DOT1L: variants seen among roughly 807,000 people sequenced by gnomAD.
DOT1L encodes histone-lysine N-methyltransferase, H3 lysine-79 specific.
DOT1L carries 33 observed loss-of-function variants against 153.3 expected under a neutral mutation model. The observed-to-expected ratio is 0.22, with a 90% CI of 0.16 to 0.29. The LOEUF is 0.29. Among genes scored for constraint, DOT1L ranks in the 10% least tolerant of loss-of-function variants. DOT1L has a pLI of 1.00. For synonymous variants in DOT1L, 1,135 were observed against 965.1 expected (o/e 1.18, Z -3.26); for missense variants, 1,847 against 2,119.9 (o/e 0.87, Z 2.53).
intron 3 of DOT1L, among the ~76,000 whole-genome samples, 192 bp downstream of exon 3, chr19:2,186,121 C>G (rs974529065): frequency 5.3e-5 from 8 of 152,246 alleles, no homozygotes; most frequent in Admixed American, 2.0e-4. Flanking sequence ...CAAAGGCTGT[C>G]AGAGGCCGGA....
chr19:2,188,889 G>A (rs1000752164), intron 3 of DOT1L, among the ~76,000 whole-genome samples: 7 of 152,206 alleles, frequency 4.6e-5, no homozygotes, highest in Admixed American at 2.6e-4. Context: ...TGGCTGGGCC[G>A]CGTGGCCGGT....
At chr19:2,184,320 G>T (rs2022393525) in intron 2 of DOT1L, among the ~76,000 whole-genome samples, 2 of 152,154 alleles carry the variant, frequency 1.3e-5, no homozygotes, top group Non-Finnish European at 2.9e-5. Context: ...GTGACGAGAG[G>T]CACCAATAAT....
rs2022701873 is a variant in DOT1L at position 2,189,664 on chromosome 19, G to A, written c.201-68G>A. 6 of 1,572,386 alleles carry A rather than the reference G, an allele frequency of 3.8e-6. 1 individual carries two copies. The South Asian group carries it at 5.6e-5, about 15-fold the overall frequency. On this transcript the variant is annotated intron_variant, in intron 3 of 27. Coordinates refer to ENST00000398665, the MANE Select transcript of DOT1L (RefSeq NM_032482.3). ...ACCTTGGAGCCTGCCTTATCCACATGCTGTCCCCTCCCATGCATGCGGCTG... is the reference window on the plus strand; with the variant it reads ...ACCTTGGAGCCTGCCTTATCCACATACTGTCCCCTCCCATGCATGCGGCTG...
rs2024549797 is a variant in DOT1L, at chr19:2,230,442, A to G, written c.*650A>G. ...TCCGGGGCGTGGGTTGCGCCCTTGC[A>G]TGTGAAGGGGCCTGCGCGGTGACGC... On this transcript the variant is annotated 3_prime_UTR_variant, in exon 28 of 28. Transcript: ENST00000398665. The G allele has an allele frequency of 5.0e-6, 2 of 399,858 alleles. No individual in the cohort carries two copies. The highest frequency in any genetic ancestry group is 4.4e-5 in the Admixed American group (1 of 22,882). The allele number at this position is 399,858 out of a possible 1,614,324, so 24.8% of individuals were successfully genotyped here.
rs551726391 is a variant in DOT1L at position 2,194,944 on chromosome 19, T to G, written c.651+367T>G. 1.2e-3 allele frequency among the ~76,000 whole-genome samples: 189 copies of G among 152,246 alleles called. 5 individuals carry two copies. In the South Asian group the frequency reaches 0.037, roughly 30 times the overall value. On this transcript the variant is annotated intron_variant, in intron 7 of 27. Coordinates refer to ENST00000398665, the MANE Select transcript of DOT1L (RefSeq NM_032482.3). ...TCATCCCTCACTGGGGACAGCCTTG[T>G]TTGGACGGGTTCCTGGTCCTCAGTG...
chr19:2,189,783 C>T lies in DOT1L; in HGVS notation c.252C>T (p.Ser84=), dbSNP rs371636480. The T allele has an allele frequency of 2.5e-6, 4 of 1,612,066 alleles. No individual in the cohort carries two copies. In the African/African-American group the frequency reaches 4.0e-5, roughly 16 times the overall value. The stretch of plus-strand genomic sequence containing the variant: ...ACAAGTACAACCGTGCCATCGACAG[C>T]ATCCACCAGCTGGTAGGTGGCTTGC... The part of the protein sequence containing the change: ...LCDKYNRAID[S]IHQLWKGTTQ... The change falls in exon 4 of 28, where the codon AGC becomes AGT. Residue 84 remains serine (S), a synonymous_variant. Coordinates refer to ENST00000398665, the MANE Select transcript of DOT1L (RefSeq NM_032482.3).
In DOT1L at chr19:2,230,143, C is replaced by T. The variant is rs377268486; in HGVS notation, c.*351C>T. The T allele has an allele frequency of 5.9e-4, 301 of 509,340 alleles. 3 individuals are homozygous for T. Among genetic ancestry groups the T allele is most frequent in the East Asian group, 4.2e-3 (129 of 30,412 alleles). 31.6% of individuals were successfully genotyped at this position (509,340 alleles called of 1,614,324 possible). ...TGCAGGGCGGGCCCGCCAGCGGATTCGCCACAGCCTGCCCCGGTGCTATCT... is the reference window on the plus strand; with the variant it reads ...TGCAGGGCGGGCCCGCCAGCGGATTTGCCACAGCCTGCCCCGGTGCTATCT... On this transcript the variant is annotated 3_prime_UTR_variant, in exon 28 of 28. Transcript: ENST00000398665.
At chr19:2,176,294 G>A (rs1211801631) in intron 1 of DOT1L, among the ~76,000 whole-genome samples, 1 of 152,180 alleles carries the variant, frequency 6.6e-6, no homozygotes, top group African/African-American at 2.4e-5. Context: ...AGGGGACAGG[G>A]GCAGTAACTC....
At chr19:2,216,213 G>A (rs2023891629) in intron 19 of DOT1L, 68 bp from the exon 20 acceptor site, 4 of 1,503,054 alleles carry the variant, frequency 2.7e-6, no homozygotes, top group Non-Finnish European at 3.5e-6. Flanking sequence ...GTGTCCATCT[G>A]TGGCAGTCTT....
chr19:2,205,245 C>G (rs948570067), intron 9 of DOT1L, among the ~76,000 whole-genome samples: 2 of 152,138 alleles, frequency 1.3e-5, no homozygotes, highest in African/African-American at 4.8e-5. Flanking sequence ...TGCTGGGTTA[C>G]AGGCATGAGC....
At chr19:2,173,847 C>T (rs568998994) in intron 1 of DOT1L, among the ~76,000 whole-genome samples, 1 of 152,346 alleles carries the variant, frequency 6.6e-6, no homozygotes, top group South Asian at 2.1e-4. Context: ...TGAGCTTCCT[C>T]TCACAGCTTC....
intron 22 of DOT1L, among the ~76,000 whole-genome samples, chr19:2,219,326 A>G (rs925542396): frequency 6.6e-6 from 1 of 151,874 alleles, no homozygotes; most frequent in Admixed American, 6.6e-5. Context: ...GTACTTTTAT[A>G]CACCTCTGTC....
At position 2,178,481 on chromosome 19, in the gene DOT1L, G is replaced by C. The variant is rs186295067; in HGVS notation, c.82-2232G>C. Among the ~76,000 whole-genome samples the C allele has an allele frequency of 5.8e-3, 852 of 147,906 alleles. 30 individuals carry two copies. The highest frequency in any genetic ancestry group is 0.052 in the Admixed American group (774 of 14,796). On this transcript the variant is annotated intron_variant, in intron 1 of 27. Coordinates refer to ENST00000398665, the MANE Select transcript of DOT1L (RefSeq NM_032482.3). ...TGCCCAGGCTGGAGTGCAGTGGCGCGATCTTGGCTCACTGCAAGCTCCGCT... is the reference window on the plus strand; with the variant it reads ...TGCCCAGGCTGGAGTGCAGTGGCGCCATCTTGGCTCACTGCAAGCTCCGCT...
intron 2 of DOT1L, among the ~76,000 whole-genome samples, chr19:2,183,535 G>A (rs2022343753): frequency 6.6e-6 from 1 of 152,156 alleles, no homozygotes; most frequent in Non-Finnish European, 1.5e-5. Context: ...AGAAAAGCTA[G>A]CTGGGCTTTT....
At position 2,197,319 on chromosome 19, in the gene DOT1L, A is replaced by G. The variant is rs1424906687; in HGVS notation, c.652-2565A>G. Among the ~76,000 whole-genome samples the G allele has an allele frequency of 6.6e-6, 1 of 152,154 alleles. No homozygotes were observed. Among genetic ancestry groups the G allele is most frequent in the East Asian group, 1.9e-4 (1 of 5,194 alleles). On this transcript the variant is annotated intron_variant, in intron 7 of 27. Coordinates refer to ENST00000398665, the MANE Select transcript of DOT1L (RefSeq NM_032482.3). The surrounding 1 kb of genome is among the most constrained non-coding windows in gnomAD (Gnocchi z 4.1). The stretch of plus-strand genomic sequence containing the variant: ...TGGGTCCACTTGCACTCTGGCCGGA[A>G]GTTCCCACATGGGTTCCTGGCTGTG...
chr19:2,209,100 C>CGG, intron 12 of DOT1L, 124 bp downstream of exon 12: 1 of 1,101,640 alleles, frequency 9.1e-7, no homozygotes, highest in Non-Finnish European at 1.3e-6. Flanking sequence ...CCCCTCGGGG[C>CGG]CCGGCCCTGT....
chr19:2,164,692 A>G (rs1410894950), intron 1 of DOT1L, among the ~76,000 whole-genome samples: 1 of 151,864 alleles, frequency 6.6e-6, no homozygotes, highest in African/African-American at 2.4e-5. Context: ...CTTTTTAAAA[A>G]TTGGGCGTTT....
At chr19:2,182,229 A>AAAATAAAT (rs374381549) in intron 2 of DOT1L, among the ~76,000 whole-genome samples, 9 of 152,024 alleles carry the variant, frequency 5.9e-5, no homozygotes, top group Admixed American at 2.0e-4. Context: ...CTCCATCTCA[A>AAAATAAAT]AAATAAATAA....
intron 3 of DOT1L, 32 bp downstream of exon 3, chr19:2,185,961 C>T (rs777975191): frequency 1.2e-5 from 20 of 1,602,746 alleles, no homozygotes; most frequent in Admixed American, 6.7e-5. Context: ...CGCTCCGCTC[C>T]GAGGACAGAC....
Sources: allele counts gnomAD v4.1 joint callset (sites outside exome capture counted in the v4.1 genomes callset), GRCh38; gene constraint gnomAD v4.1.1; non-coding constraint Gnocchi (gnomAD v3.1); transcripts MANE v1.5; gene names NCBI Gene and HGNC (gene_info 2026-07-23, HGNC 2026-07-21).